The following RAB3GAP1 variants were observed in gnomAD, a reference collection of about 807,000 sequenced individuals.
RAB3GAP1 encodes the protein rab3 GTPase-activating protein catalytic subunit.
In RAB3GAP1, 86 loss-of-function variants were observed where a neutral mutation model predicts 130.7. That is an observed-to-expected ratio of 0.66 (90% CI 0.55 to 0.79). RAB3GAP1 has a LOEUF of 0.79. RAB3GAP1 is among the 30% of genes least tolerant of loss of function. The pLI, the probability that RAB3GAP1 is intolerant of heterozygous loss-of-function variation, is 0.00. For synonymous variants in RAB3GAP1, 367 were observed against 401.7 expected (o/e 0.91, Z 1.03); for missense variants, 1,029 against 1,169.4 (o/e 0.88, Z 1.75).
intron 19 of RAB3GAP1, among the ~76,000 whole-genome samples, chr2:135,156,345 A>C (rs1373147447): frequency 1.3e-5 from 2 of 152,220 alleles, no homozygotes; most frequent in East Asian, 3.8e-4. Context: ...CTGTGAAGCA[A>C]CTATAACATT....
chr2:135,063,996 T>A (rs1265603834), intron 3 of RAB3GAP1, among the ~76,000 whole-genome samples: 1 of 152,186 alleles, frequency 6.6e-6, no homozygotes, highest in Non-Finnish European at 1.5e-5. Context: ...TGATGCTTAT[T>A]TTTTTCCACT....
intron 3 of RAB3GAP1, among the ~76,000 whole-genome samples, chr2:135,067,850 C>T (rs1268755375): frequency 6.6e-6 from 1 of 152,230 alleles, no homozygotes; most frequent in African/African-American, 2.4e-5. Context: ...TCCACCTCAG[C>T]CTCCTGAGTA....
At chr2:135,154,235 G>A (rs1005713420) in intron 19 of RAB3GAP1, among the ~76,000 whole-genome samples, 19 of 152,250 alleles carry the variant, frequency 1.2e-4, no homozygotes, top group African/African-American at 4.6e-4. Flanking sequence ...GTTCAACAAA[G>A]TTCTTAAGTG....
Position 135,126,765 on chromosome 2 carries a change from T to C in RAB3GAP1, c.973+109T>C, listed in dbSNP as rs569436520. The C allele has an allele frequency of 9.3e-4, 890 of 954,894 alleles. 11 individuals are homozygous for C. Among genetic ancestry groups the C allele is most frequent in the South Asian group, 7.5e-3 (577 of 76,482 alleles). 59.2% of individuals were successfully genotyped at this position (954,894 alleles called of 1,614,324 possible). The stretch of plus-strand genomic sequence containing the variant: ...TTTGTCACCTCTTCAGTTAACACCA[T>C]GTAGGAAAAAAATCATTGCCAATAG... On this transcript the variant is annotated intron_variant, in intron 11 of 23. Transcript: ENST00000264158.
chr2:135,055,408 T>C (rs1688981095), intron 2 of RAB3GAP1, among the ~76,000 whole-genome samples: 2 of 152,216 alleles, frequency 1.3e-5, no homozygotes, highest in South Asian at 4.1e-4. Flanking sequence ...CCGGGCATGG[T>C]GGCTCATGCC....
chr2:135,157,544 A>C (rs556711718), intron 19 of RAB3GAP1, among the ~76,000 whole-genome samples: 1 of 152,168 alleles, frequency 6.6e-6, no homozygotes, highest in South Asian at 2.1e-4. Context: ...CTGCAAGAAA[A>C]ATCTTGAGGC....
intron 9 of RAB3GAP1, 74 bp from the exon 10 acceptor site, chr2:135,126,107 A>G: frequency 9.0e-7 from 1 of 1,107,706 alleles, no homozygotes; most frequent in Non-Finnish European, 1.4e-6. Context: ...TTTCCTTGGT[A>G]TAGTTTTCTA....
intron 19 of RAB3GAP1, among the ~76,000 whole-genome samples, chr2:135,154,719 CA>C (rs1692262927): frequency 6.6e-6 from 1 of 152,048 alleles, no homozygotes; most frequent in African/African-American, 2.4e-5. Context: ...CAGCACTTGC[CA>C]CAGGGAAGGG....
At chr2:135,070,032 A>G (rs996348384) in intron 3 of RAB3GAP1, among the ~76,000 whole-genome samples, 3 of 152,232 alleles carry the variant, frequency 2.0e-5, no homozygotes, top group Admixed American at 6.5e-5. Flanking sequence ...AATGATGCCA[A>G]TGGCCATAAA....
chr2:135,111,700 C>T (rs1056670496), intron 5 of RAB3GAP1, among the ~76,000 whole-genome samples: 8 of 152,158 alleles, frequency 5.3e-5, no homozygotes, highest in Admixed American at 1.3e-4. Flanking sequence ...CCTCTTTTAT[C>T]TTGTAAACTT....
chr2:135,141,975 A>G (rs979101742), intron 17 of RAB3GAP1, among the ~76,000 whole-genome samples: 2 of 152,166 alleles, frequency 1.3e-5, no homozygotes, highest in African/African-American at 4.8e-5. Flanking sequence ...CTGGTAGTGT[A>G]AATCTTCTAA....
chr2:135,083,741 A>T (rs1319794907), intron 3 of RAB3GAP1, among the ~76,000 whole-genome samples: 1 of 141,790 alleles, frequency 7.1e-6, no homozygotes, highest in African/African-American at 2.6e-5. Flanking sequence ...CCGGGATTAT[A>T]GGCGTCAGCC....
intron 3 of RAB3GAP1, among the ~76,000 whole-genome samples, chr2:135,062,885 G>T (rs10191749): frequency 6.6e-6 from 1 of 152,092 alleles, no homozygotes; most frequent in Non-Finnish European, 1.5e-5. Context: ...GTGTCATAAC[G>T]CCTGGCTAAA....
intron 3 of RAB3GAP1, among the ~76,000 whole-genome samples, chr2:135,064,090 T>C (rs1052658571): frequency 1.3e-5 from 2 of 152,176 alleles, no homozygotes; most frequent in Admixed American, 6.5e-5. Context: ...TGTTTGACTT[T>C]GTTGTTTTTC....
intron 5 of RAB3GAP1, among the ~76,000 whole-genome samples, chr2:135,103,955 A>G (rs1690523082): frequency 6.6e-6 from 1 of 152,214 alleles, no homozygotes; most frequent in African/African-American, 2.4e-5. Flanking sequence ...ACATATATGC[A>G]GGAGAGACCC....
At chr2:135,117,189 A>G (rs537861004) in intron 7 of RAB3GAP1, among the ~76,000 whole-genome samples, 10 of 152,250 alleles carry the variant, frequency 6.6e-5, no homozygotes, top group Non-Finnish European at 1.3e-4. Context: ...TATTTTAGAG[A>G]ATTCCGTGTA....
chr2:135,058,682 G>C (rs1689087805), intron 3 of RAB3GAP1: 1 of 152,240 alleles, frequency 6.6e-6, no homozygotes, highest in African/African-American at 2.4e-5. Context: ...CTAAAGTATT[G>C]GTAGTTTTAT....
intron 5 of RAB3GAP1, among the ~76,000 whole-genome samples, chr2:135,100,214 C>G (rs997230201): frequency 6.6e-6 from 1 of 152,162 alleles, no homozygotes; most frequent in African/African-American, 2.4e-5. Context: ...CGTAAACAGA[C>G]TTTTCTTCCA....
intron 3 of RAB3GAP1, among the ~76,000 whole-genome samples, chr2:135,080,598 G>A (rs189305159): frequency 1.8e-4 from 28 of 152,310 alleles, no homozygotes; most frequent in African/African-American, 2.4e-4. Flanking sequence ...TTATGCCTAC[G>A]TGAATCAGTA....
Sources: allele counts gnomAD v4.1 joint callset (sites outside exome capture counted in the v4.1 genomes callset), GRCh38; gene constraint gnomAD v4.1.1; transcripts MANE v1.5; gene names NCBI Gene and HGNC (gene_info 2026-07-23, HGNC 2026-07-21).